Variants in GPC6 observed in about 807,000 individuals in gnomAD.
The protein encoded by GPC6 is glypican 6.
Under a neutral mutation model 55.2 loss-of-function variants are expected in GPC6, and 14 were observed. That is an observed-to-expected ratio of 0.25 (90% CI 0.17 to 0.40). GPC6 has a LOEUF of 0.40. Ranked by LOEUF, GPC6 falls within the 10% of genes least tolerant of loss-of-function variation. GPC6 has a pLI of 1.00. For synonymous variants in GPC6, 278 were observed against 259.6 expected (o/e 1.07, Z -0.68); for missense variants, 641 against 708.5 (o/e 0.90, Z 1.08).
intron 2 of GPC6, among the ~76,000 whole-genome samples, chr13:93,662,655 CA>C (rs573344497): frequency 6.2e-5 from 9 of 146,324 alleles, no homozygotes; most frequent in South Asian, 2.2e-4. Flanking sequence ...AACAAACAAA[CA>C]AAAAAAAAAC....
intron 2 of GPC6, among the ~76,000 whole-genome samples, chr13:93,675,790 T>A (rs543087637): frequency 6.6e-6 from 1 of 152,056 alleles, no homozygotes; most frequent in Non-Finnish European, 1.5e-5. Context: ...AAACTAGAGA[T>A]AGAGTGCTTT....
chr13:93,961,900 G>T (rs992721542), intron 3 of GPC6, among the ~76,000 whole-genome samples: 2 of 151,942 alleles, frequency 1.3e-5, no homozygotes, highest in Non-Finnish European at 2.9e-5. Flanking sequence ...TAAAATCTTT[G>T]AGCCGTCCTA....
intron 4 of GPC6, among the ~76,000 whole-genome samples, chr13:94,271,275 G>A (rs932841362): frequency 6.6e-6 from 1 of 151,418 alleles, no homozygotes; most frequent in African/African-American, 2.4e-5. Context: ...ACAGGCATGA[G>A]CCACCGCACC....
intron 3 of GPC6, among the ~76,000 whole-genome samples, chr13:93,911,648 G>A (rs1043118555): frequency 6.6e-6 from 1 of 152,174 alleles, no homozygotes; most frequent in Non-Finnish European, 1.5e-5. Flanking sequence ...TTATCACAAA[G>A]TTCTAGATTC....
At chr13:93,303,741 T>C (rs953094613) in intron 1 of GPC6, among the ~76,000 whole-genome samples, 1 of 152,170 alleles carries the variant, frequency 6.6e-6, no homozygotes, top group Non-Finnish European at 1.5e-5. Flanking sequence ...CCGGCCTCAT[T>C]TTCTCATCCT....
At chr13:93,249,034 A>G (rs1022028091) in intron 1 of GPC6, among the ~76,000 whole-genome samples, 14 of 152,324 alleles carry the variant, frequency 9.2e-5, no homozygotes, top group African/African-American at 3.4e-4. Context: ...CATTGTTTAC[A>G]GACATTGTAC....
At chr13:93,980,588 C>G (rs971071996) in intron 3 of GPC6, among the ~76,000 whole-genome samples, 2 of 152,126 alleles carry the variant, frequency 1.3e-5, no homozygotes, top group African/African-American at 4.8e-5. Flanking sequence ...CCAGCCACAC[C>G]TTTCTCTGAA....
intron 3 of GPC6, among the ~76,000 whole-genome samples, chr13:94,021,293 A>G (rs1183085345): frequency 2.6e-5 from 4 of 151,162 alleles, no homozygotes; most frequent in Non-Finnish European, 5.9e-5. Flanking sequence ...TTTAACTTTC[A>G]CATATTTTCT....
intron 2 of GPC6, among the ~76,000 whole-genome samples, chr13:93,633,386 T>C (rs2149223): frequency 0.32 from 49,034 of 152,032 alleles, 8,102 homozygotes; most frequent in African/African-American, 0.38. Context: ...TGGCTCACGC[T>C]TGTAATCACA....
intron 3 of GPC6, among the ~76,000 whole-genome samples, chr13:94,020,606 C>T (rs1353762213): frequency 2.6e-5 from 4 of 152,112 alleles, no homozygotes; most frequent in Admixed American, 1.3e-4. Flanking sequence ...ATCTTACAGG[C>T]GTCTGTTACA....
chr13:93,271,045 G>A (rs966591662), intron 1 of GPC6, among the ~76,000 whole-genome samples: 1 of 152,184 alleles, frequency 6.6e-6, no homozygotes, highest in African/African-American at 2.4e-5. Context: ...AAAAGCAGAA[G>A]AGAAAGCAAA....
chr13:94,112,443 T>C (rs1886282292), intron 4 of GPC6, among the ~76,000 whole-genome samples: 1 of 152,166 alleles, frequency 6.6e-6, no homozygotes, highest in Admixed American at 6.6e-5. Flanking sequence ...CACACACTCA[T>C]TAACCAGATG....
chr13:93,487,252 G>A (rs897772797), intron 1 of GPC6, among the ~76,000 whole-genome samples: 1 of 151,940 alleles, frequency 6.6e-6, no homozygotes, highest in African/African-American at 2.4e-5. Flanking sequence ...TAAGTTCAGG[G>A]ATATATGTCC....
intron 7 of GPC6, among the ~76,000 whole-genome samples, chr13:94,388,979 T>C (rs887438946): frequency 7.2e-5 from 11 of 152,184 alleles, no homozygotes; most frequent in Non-Finnish European, 1.2e-4. Context: ...TTTCTTAGAG[T>C]TCATGGCAAT....
intron 4 of GPC6, among the ~76,000 whole-genome samples, chr13:94,136,843 A>AG (rs1341450080): frequency 6.6e-6 from 1 of 152,250 alleles, no homozygotes; most frequent in African/African-American, 2.4e-5. Flanking sequence ...TGGGAAATTA[A>AG]GAAAACACTA....
At chr13:93,882,503 G>C (rs780271722) in intron 3 of GPC6, among the ~76,000 whole-genome samples, 2 of 151,970 alleles carry the variant, frequency 1.3e-5, no homozygotes, top group Non-Finnish European at 2.9e-5. Context: ...TCATACATTA[G>C]TAACACTGTT....
intron 2 of GPC6, among the ~76,000 whole-genome samples, chr13:93,785,953 C>A (rs185144103): frequency 6.8e-4 from 103 of 151,934 alleles, no homozygotes; most frequent in Non-Finnish European, 1.3e-3. Flanking sequence ...CAGGCCCTGT[C>A]TCAAAAAAGA....
intron 1 of GPC6, among the ~76,000 whole-genome samples, chr13:93,398,434 A>G (rs1380696198): frequency 6.6e-6 from 1 of 152,108 alleles, no homozygotes; most frequent in Non-Finnish European, 1.5e-5. Flanking sequence ...TCAGAAATCA[A>G]TTGTGCAATA....
Position 93,984,480 on chromosome 13 carries a change from T to G in GPC6, c.712-43249T>G, listed in dbSNP as rs191106296. ...AGTTAGAAAATTAATTCATTTGGTA[T>G]GATGTAATTATTAAATAAATTTTAC... is the stretch of plus-strand genomic sequence containing the variant. On this transcript the variant is annotated intron_variant, in intron 3 of 8. Coordinates refer to ENST00000377047, the MANE Select transcript of GPC6 (RefSeq NM_005708.5). Among the ~76,000 whole-genome samples the G allele has an allele frequency of 2.1e-3, 315 of 152,310 alleles. 1 individual carries two copies. The highest frequency in any genetic ancestry group is 0.014 in the Middle Eastern group (4 of 294).
Sources: allele counts gnomAD v4.1 joint callset (sites outside exome capture counted in the v4.1 genomes callset), GRCh38; gene constraint gnomAD v4.1.1; transcripts MANE v1.5; gene names NCBI Gene and HGNC (gene_info 2026-07-23, HGNC 2026-07-21).